The following GCNT2 variants were observed in gnomAD, a reference collection of about 807,000 sequenced individuals.
GCNT2 encodes the protein glucosaminyl (N-acetyl) transferase 2 (I blood group).
In GCNT2, 34 loss-of-function variants were observed where a neutral mutation model predicts 34.2. The ratio of observed to expected loss-of-function variants is 1.00; its 90% CI spans 0.76 to 1.32. The LOEUF (loss-of-function observed/expected upper bound fraction) is 1.32. GCNT2 is among the 40% of genes most tolerant of loss of function. The pLI, the probability that GCNT2 is intolerant of heterozygous loss-of-function variation, is 0.00. For missense variants in GCNT2, 584 were observed against 489.4 expected (o/e 1.19, Z -1.82); for synonymous variants, 212 against 188.0 (o/e 1.13, Z -1.04).
chr6:10,575,713 C>G (rs1763777325), intron 3 of GCNT2, among the ~76,000 whole-genome samples: 1 of 152,138 alleles, frequency 6.6e-6, no homozygotes, highest in Non-Finnish European at 1.5e-5. Flanking sequence ...GTGTAAATGG[C>G]CAGTCCTTGC....
chr6:10,610,819 A>C (rs1054503715), intron 3 of GCNT2, among the ~76,000 whole-genome samples: 5 of 152,238 alleles, frequency 3.3e-5, no homozygotes, highest in African/African-American at 1.2e-4. Flanking sequence ...AATTCACTTA[A>C]ATTTTCTAGG....
intron 4 of GCNT2, among the ~76,000 whole-genome samples, chr6:10,622,484 T>C (rs1766076363): frequency 6.6e-6 from 1 of 151,946 alleles, no homozygotes; most frequent in Non-Finnish European, 1.5e-5. Context: ...AGACCAGTCA[T>C]ATTGGATTAT....
At chr6:10,524,463 G>A (rs1032944416) in intron 1 of GCNT2, among the ~76,000 whole-genome samples, 3 of 152,056 alleles carry the variant, frequency 2.0e-5, no homozygotes, top group Admixed American at 6.6e-5. Context: ...TGTTGGTCAG[G>A]CTGGTCTCTA....
intron 3 of GCNT2, among the ~76,000 whole-genome samples, chr6:10,570,749 G>A (rs1763520954): frequency 6.6e-6 from 1 of 152,166 alleles, no homozygotes; most frequent in African/African-American, 2.4e-5. Context: ...TGTCCTATGT[G>A]AAAACTACTG....
chr6:10,523,218 T>TC (rs1022199769), intron 1 of GCNT2, among the ~76,000 whole-genome samples: 5 of 151,838 alleles, frequency 3.3e-5, no homozygotes, highest in African/African-American at 1.2e-4. Flanking sequence ...GATCAGGAGT[T>TC]CGAGACCAGC....
At chr6:10,586,336 C>T in intron 3 of GCNT2, 1 of 1,614,126 alleles carries the variant, frequency 6.2e-7, no homozygotes. Flanking sequence ...CTCTTTAGGG[C>T]TATCTATATG....
chr6:10,582,091 AAT>A (rs1162198776), intron 3 of GCNT2, among the ~76,000 whole-genome samples: 6 of 143,162 alleles, frequency 4.2e-5, no homozygotes, highest in Non-Finnish European at 9.0e-5. Flanking sequence ...TGCATACAAA[AAT>A]ATATCTCTTA....
chr6:10,576,999 G>C (rs905083088), intron 3 of GCNT2, among the ~76,000 whole-genome samples: 1 of 152,188 alleles, frequency 6.6e-6, no homozygotes, highest in Admixed American at 6.5e-5. Context: ...AATCTCTTGA[G>C]CTCAGGAGTT....
Position 10,628,393 on chromosome 6 carries a change from TGAAGTA to T in GCNT2, c.*1787_*1792del, listed in dbSNP as rs1766354315. On this transcript the variant is annotated 3_prime_UTR_variant, in exon 5 of 5. Transcript: ENST00000495262. ...CAATCATATTTAAAGGGAATGACTT[TGAAGTA>T]AAACCTTTTTTCTTGCTACTGAAAA... 2 of 152,456 alleles carry T rather than the reference TGAAGTA, an allele frequency of 1.3e-5. No homozygotes were observed. The highest frequency in any genetic ancestry group is 4.1e-4 in the South Asian group (2 of 4,824). The allele number at this position is 152,456 out of a possible 1,614,324, so 9.4% of individuals were successfully genotyped here. A position where few individuals can be genotyped will look rare whatever the true frequency, so the allele number is the denominator to read the frequency against.
chr6:10,574,875 T>G (rs973815933), intron 3 of GCNT2: 65 of 698,038 alleles, frequency 9.3e-5, no homozygotes, highest in Admixed American at 2.8e-4. Context: ...TCTCTTTGTC[T>G]TCTTTCTTTT....
chr6:10,574,390 CTG>C lies in GCNT2; in HGVS notation c.925+44555_925+44556del, dbSNP rs554504391. 1.4e-4 allele frequency among the ~76,000 whole-genome samples: 21 copies of C among 152,304 alleles called. No individual in the cohort carries two copies. In the South Asian group the frequency reaches 4.3e-3, roughly 32 times the overall value. On this transcript the variant is annotated intron_variant, in intron 3 of 4. Transcript: ENST00000495262. ...TACCTTCATTTTACAGAAAAGAAAA[CTG>C]AGGCTATGAGTGTAAATTACTTGCC...
intron 3 of GCNT2, among the ~76,000 whole-genome samples, chr6:10,568,423 G>A (rs888779086): frequency 6.6e-6 from 1 of 151,972 alleles, no homozygotes; most frequent in African/African-American, 2.4e-5. Flanking sequence ...TACCCTTCCT[G>A]TTTTCATCAT....
intron 3 of GCNT2, among the ~76,000 whole-genome samples, chr6:10,563,334 G>T (rs1422041687): frequency 6.6e-6 from 1 of 152,024 alleles, no homozygotes; most frequent in Non-Finnish European, 1.5e-5. Flanking sequence ...TATTATATTT[G>T]GACAATGCTT....
chr6:10,578,662 G>A (rs188837657), intron 3 of GCNT2, among the ~76,000 whole-genome samples: 1 of 152,084 alleles, frequency 6.6e-6, no homozygotes, highest in African/African-American at 2.4e-5. Flanking sequence ...TAGCCAGGAT[G>A]GTCTCAATCT....
chr6:10,582,461 AAATAT>A (rs547013753), intron 3 of GCNT2, among the ~76,000 whole-genome samples: 25 of 127,290 alleles, frequency 2.0e-4, no homozygotes, highest in South Asian at 4.4e-4. Context: ...TATATATAAT[AAATAT>A]AATATATACT....
chr6:10,626,555 AAAGAACCCTC>A lies in GCNT2; in HGVS notation c.1160_1169del (p.Arg387IlefsTer21). On this transcript the variant is annotated frameshift_variant, in exon 5 of 5. Coordinates refer to ENST00000495262, the MANE Select transcript of GCNT2 (RefSeq NM_145649.5). LOFTEE classifies it high-confidence loss of function. ...GAATGCCTAGAACTGAGGCATCGCG[AAAGAACCCTC>A]AATCAGAGTGAAACTGCGATACAAC... The A allele has an allele frequency of 1.2e-6, 2 of 1,614,042 alleles. No homozygotes were observed. The highest frequency in any genetic ancestry group is 1.7e-6 in the Non-Finnish European group (2 of 1,179,882).
intron 3 of GCNT2, among the ~76,000 whole-genome samples, chr6:10,540,054 G>A (rs1438583449): frequency 1.3e-5 from 2 of 151,736 alleles, no homozygotes; most frequent in Admixed American, 6.6e-5. Flanking sequence ...CTCCAGTCTT[G>A]GTGACAGAGT....
chr6:10,589,050 T>TGTGTGTGGTGTGTGTGTA, intron 3 of GCNT2, among the ~76,000 whole-genome samples: 1 of 144,460 alleles, frequency 6.9e-6, no homozygotes, highest in African/African-American at 2.6e-5. Flanking sequence ...GTGTATGGTG[T>TGTGTGTGGTGTGTGTGTA]GTGTGTGGTG....
At chr6:10,527,711 G>C (rs1047545050) in intron 2 of GCNT2, 51 bp downstream of exon 2, 2 of 151,206 alleles carry the variant, frequency 1.3e-5, no homozygotes, top group African/African-American at 4.9e-5. Context: ...AGATACGTGT[G>C]TATGCATGCG....
Sources: gnomAD v4.1 joint callset for allele counts (sites outside exome capture counted in the v4.1 genomes callset) on GRCh38, gnomAD v4.1.1 for gene constraint, MANE v1.5 for transcripts, NCBI Gene and HGNC (gene_info 2026-07-23, HGNC 2026-07-21) for gene names.